The following TBC1D2 variants were observed in gnomAD, a reference collection of about 807,000 sequenced individuals.
TBC1D2 encodes TBC1 domain family member 2, also known as TBC1 domain family member 2A.
In TBC1D2, 58 loss-of-function variants were observed where a neutral mutation model predicts 91.1. That is an observed-to-expected ratio of 0.64 (90% CI 0.52 to 0.79). The LOEUF is 0.79. Among genes scored for constraint, TBC1D2 ranks in the 30% least tolerant of loss-of-function variants. The pLI, the probability that TBC1D2 is intolerant of heterozygous loss-of-function variation, is 0.00. For synonymous variants in TBC1D2, 482 were observed against 511.5 expected, an observed-to-expected ratio of 0.94 and a Z score of 0.78; for missense variants, 1,080 against 1,208.3, an observed-to-expected ratio of 0.89 and a Z score of 1.57.
At chr9:98,218,483 C>T (rs1424389315) in intron 6 of TBC1D2, among the ~76,000 whole-genome samples, 1 of 152,058 alleles carries the variant, frequency 6.6e-6, no homozygotes, top group African/African-American at 2.4e-5. Flanking sequence ...AGGAGAATGG[C>T]GTGAACCTGG....
chr9:98,245,456 A>G (rs1417006749), intron 2 of TBC1D2, among the ~76,000 whole-genome samples: 1 of 151,756 alleles, frequency 6.6e-6, no homozygotes, highest in Non-Finnish European at 1.5e-5. Context: ...AGTCCCAGCT[A>G]CTTGGGAGGC....
At position 98,199,495 on chromosome 9, in the gene TBC1D2, A is replaced by G; in HGVS notation, c.2673T>C (p.Ala891=). 2 of 1,613,944 alleles carry G rather than the reference A, an allele frequency of 1.2e-6. No individual in the cohort carries two copies. Among genetic ancestry groups the G allele is most frequent in the Non-Finnish European group, 1.7e-6 (2 of 1,180,000 alleles). The change falls in exon 13 of 13, where the codon GCT becomes GCC. Residue 891 remains alanine, a synonymous_variant. Transcript: ENST00000465784. The part of the protein sequence containing the change: ...LRMVHRERLE[A]ELRELEQLKA... ...TAAGCTGCTCCAGCTCCCGCAGCTC[A>G]GCCTCCAGCCGCTCCCGGTGGACCA...
At chr9:98,233,384 T>G (rs751992505) in intron 4 of TBC1D2, 32 bp downstream of exon 4, 2 of 1,594,510 alleles carry the variant, frequency 1.3e-6, no homozygotes, top group Non-Finnish European at 1.7e-6. Context: ...AGCTGGTCCC[T>G]GAAGGCAGCT....
intron 9 of TBC1D2, among the ~76,000 whole-genome samples, chr9:98,207,619 AAG>A (rs1192938061): frequency 6.6e-6 from 1 of 152,206 alleles, no homozygotes; most frequent in Non-Finnish European, 1.5e-5. Context: ...GTGGGGTGGG[AAG>A]ACTCACTGAA....
At chr9:98,243,546 T>C (rs1829696628) in intron 3 of TBC1D2, among the ~76,000 whole-genome samples, 1 of 143,412 alleles carries the variant, frequency 7.0e-6, no homozygotes, top group Non-Finnish European at 1.5e-5. Flanking sequence ...TTTTTTTTTT[T>C]TTTTTTTGAG....
Position 98,221,787 on chromosome 9 carries a change from G to A in TBC1D2, c.979-559C>T, listed in dbSNP as rs566954721. Among the ~76,000 whole-genome samples, 10 of 152,276 alleles carry A rather than the reference G, an allele frequency of 6.6e-5. No homozygotes were observed. In the East Asian group the frequency reaches 1.9e-3, roughly 29 times the overall value. ...TCTGTTACCCAGCCTGGAGTGCAGT[G>A]GCACAGACATGGCTCACTGTAGCCT... is the stretch of plus-strand genomic sequence containing the variant. On this transcript the variant is annotated intron_variant, in intron 5 of 12. Transcript: ENST00000465784.
chr9:98,212,623 T>TC, intron 7 of TBC1D2, among the ~76,000 whole-genome samples: 1 of 152,088 alleles, frequency 6.6e-6, no homozygotes, highest in South Asian at 2.1e-4. Flanking sequence ...TGCCTCAGCC[T>TC]CCCGGGTGGC....
At chr9:98,203,248 G>A in intron 10 of TBC1D2, 40 bp downstream of exon 10, 1 of 1,612,096 alleles carries the variant, frequency 6.2e-7, no homozygotes, top group East Asian at 2.2e-5. Flanking sequence ...CTGGGGCACT[G>A]CCCTACATGG....
rs1564228083 is a variant in TBC1D2 at position 98,200,210 on chromosome 9, GGTGT to G, written c.2579+39_2579+42del. 2.5e-6 allele frequency: 4 copies of G among 1,610,762 alleles called. No homozygotes were observed. In the South Asian group the frequency reaches 4.4e-5, roughly 18 times the overall value. ...CTCCCCTCTGCTATGTGTCCTTGGG[GGTGT>G]GTGAGTGGTGGGAGTGGCAGGGGGT... On this transcript the variant is annotated intron_variant, in intron 12 of 12. Transcript: ENST00000465784.
At position 98,251,899 on chromosome 9, in the gene TBC1D2, A is replaced by G. The variant is rs1829881882; in HGVS notation, c.397T>C (p.Trp133Arg). ...KAATKQAMLY[W>R]LQQLQMKRWE... The stretch of plus-strand genomic sequence containing the variant: ...CGCTTCATCTGCAGCTGCTGCAGCC[A>G]GTACAGCATCGCTTGCTTGGTGGCG... The change falls in exon 2 of 13, where the codon TGG (tryptophan) becomes CGG (arginine). Residue 133 changes from tryptophan to arginine, a missense_variant. Transcript: ENST00000465784. 6.2e-7 allele frequency: 1 copy of G among 1,600,588 alleles called. No individual in the cohort carries two copies.
In TBC1D2 at chr9:98,200,254, G is replaced by A. The variant is rs201387462; in HGVS notation, c.2578C>T (p.Arg860Trp). 5.8e-5 allele frequency: 93 copies of A among 1,613,630 alleles called. No individual in the cohort carries two copies. Among genetic ancestry groups the A allele is most frequent in the South Asian group, 4.7e-4 (43 of 90,964 alleles). Residue 860 changes from arginine (R) to tryptophan (W), a missense_variant and splice_region_variant, in exon 12 of 13, where the codon CGG (arginine) becomes TGG (tryptophan). Physicochemically the swap from Arg to Trp is moderately radical, Grantham distance 101. Transcript: ENST00000465784. ...TGGCAGGGGGTGGGGGTTCCTCACC[G>A]GCTGTTGGAGATGGTCTTGGTGAAG... Reference protein sequence around the residue: ...RFFTKTISNSRKLMNIAFNDM... With the variant: ...RFFTKTISNSWKLMNIAFNDM...
intron 6 of TBC1D2, among the ~76,000 whole-genome samples, chr9:98,218,120 G>T (rs953188540): frequency 5.3e-5 from 8 of 152,032 alleles, no homozygotes; most frequent in Non-Finnish European, 1.2e-4. Flanking sequence ...CCAAATGCTG[G>T]CATTACAGGT....
rs1305658200 is a variant in TBC1D2, at chr9:98,213,158, T to C, written c.1435A>G (p.Thr479Ala). The C allele has an allele frequency of 6.2e-7, 1 of 1,614,152 alleles. No homozygotes were observed. The highest frequency in any genetic ancestry group is 8.5e-7 in the Non-Finnish European group (1 of 1,180,022). The change falls in exon 7 of 13, where the codon ACA (threonine) becomes GCA (alanine). Residue 479 changes from threonine (T) to alanine (A), a missense_variant. Physicochemically the swap from Thr to Ala is moderately conservative, Grantham distance 58 (BLOSUM62 0). Transcript: ENST00000465784. ...TCAGCCACCTTTCTCCAGATCTTTGTGACCTGGTGGATCTCGGAGTTGAGG... is the reference window on the plus strand; with the variant it reads ...TCAGCCACCTTTCTCCAGATCTTTGCGACCTGGTGGATCTCGGAGTTGAGG... ...CFLNSEIHQV[T>A]KIWRKVAEKE...
At chr9:98,247,054 G>A (rs546870996) in intron 2 of TBC1D2, among the ~76,000 whole-genome samples, 86 of 151,854 alleles carry the variant, frequency 5.7e-4, no homozygotes, top group African/African-American at 1.8e-3. Context: ...AGGGCCGGGC[G>A]CAGTGGCTCA....
chr9:98,209,756 TTTCCTTCCTTCCTTCC>T (rs3059560), intron 8 of TBC1D2, among the ~76,000 whole-genome samples: 21 of 105,582 alleles, frequency 2.0e-4, no homozygotes, highest in South Asian at 6.7e-4. Flanking sequence ...CCTTCCTTCC[TTTCCTTCCTTCCTTCC>T]TTCCTTCCTT....
intron 7 of TBC1D2, among the ~76,000 whole-genome samples, 190 bp downstream of exon 7, chr9:98,212,918 C>T (rs1010331032): frequency 3.3e-5 from 5 of 152,166 alleles, no homozygotes; most frequent in Admixed American, 1.3e-4. Context: ...GTGAACGCTG[C>T]GGAACAAATG....
intron 4 of TBC1D2, among the ~76,000 whole-genome samples, chr9:98,230,965 C>T (rs753979237): frequency 6.6e-6 from 1 of 152,174 alleles, no homozygotes; most frequent in South Asian, 2.1e-4. Context: ...TCAGGTTACA[C>T]TGGGTACAAG....
intron 2 of TBC1D2, among the ~76,000 whole-genome samples, chr9:98,245,456 ACTT>A (rs1829744764): frequency 6.6e-6 from 1 of 151,756 alleles, no homozygotes; most frequent in Non-Finnish European, 1.5e-5. Flanking sequence ...AGTCCCAGCT[ACTT>A]GGGAGGCTGA....
At chr9:98,236,354 G>T (rs1829504623) in intron 3 of TBC1D2, among the ~76,000 whole-genome samples, 1 of 151,982 alleles carries the variant, frequency 6.6e-6, no homozygotes, top group South Asian at 2.1e-4. Context: ...CTGCCGAGTA[G>T]CTGGGATTAT....
Sources: allele counts gnomAD v4.1 joint callset (sites outside exome capture counted in the v4.1 genomes callset), GRCh38; gene constraint gnomAD v4.1.1; transcripts MANE v1.5; gene names NCBI Gene and HGNC (gene_info 2026-07-23, HGNC 2026-07-21).